The following RAB27B variants were observed in gnomAD, a reference collection of about 807,000 sequenced individuals.
The protein encoded by RAB27B is RAB27B, member RAS oncogene family, also known as ras-related protein Rab-27B.
Under a neutral mutation model 24.6 loss-of-function variants are expected in RAB27B, and 15 were observed. That is an observed-to-expected ratio of 0.61 (90% CI 0.41 to 0.94). RAB27B has a LOEUF of 0.94. RAB27B is among the 40% of genes least tolerant of loss of function. The probability of loss-of-function intolerance (pLI) is 0.00; values close to 1 mark genes in which losing one functional copy is unlikely to be tolerated. For synonymous variants in RAB27B, 105 were observed against 92.5 expected (o/e 1.14, Z -0.78); for missense variants, 261 against 266.8 (o/e 0.98, Z 0.15).
chr18:54,787,416 C>T (rs562631562), intron 2 of RAB27B, among the ~76,000 whole-genome samples: 2 of 152,286 alleles, frequency 1.3e-5, no homozygotes, highest in Admixed American at 1.3e-4. Context: ...GGGGAAGGAG[C>T]TCTGAGTAAA....
intron 2 of RAB27B, among the ~76,000 whole-genome samples, chr18:54,728,903 C>CAAAAAAAAAA (rs58878407): frequency 4.4e-5 from 3 of 68,254 alleles, no homozygotes; most frequent in African/African-American, 6.1e-5. Flanking sequence ...AAAAAAAACC[C>CAAAAAAAAAA]AAAAAAAAAA....
upstream of RAB27B, among the ~76,000 whole-genome samples, chr18:54,827,874 G>C (rs1910526334): frequency 6.6e-6 from 1 of 152,154 alleles, no homozygotes; most frequent in Non-Finnish European, 1.5e-5. Flanking sequence ...TTAGAACACG[G>C]CATAGCACAT....
chr18:54,744,384 T>C (rs1239341126), intron 2 of RAB27B, among the ~76,000 whole-genome samples: 2 of 152,208 alleles, frequency 1.3e-5, no homozygotes, highest in South Asian at 2.1e-4. Context: ...TTTTGAGGCT[T>C]AGACAATAGG....
At chr18:54,744,476 G>T (rs1910171785) in intron 2 of RAB27B, among the ~76,000 whole-genome samples, 1 of 152,054 alleles carries the variant, frequency 6.6e-6, no homozygotes, top group Non-Finnish European at 1.5e-5. Context: ...CAGGCCCAAG[G>T]CTATCTGAGG....
At chr18:54,772,744 TATTC>T (rs1334472564) in intron 2 of RAB27B, among the ~76,000 whole-genome samples, 2 of 152,240 alleles carry the variant, frequency 1.3e-5, no homozygotes, top group African/African-American at 2.4e-5. Flanking sequence ...CCATGCTTCT[TATTC>T]ATTCACTTAT....
intron 1 of RAB27B, among the ~76,000 whole-genome samples, chr18:54,835,971 C>T (rs1243175022): frequency 3.9e-5 from 6 of 151,902 alleles, no homozygotes; most frequent in Admixed American, 6.6e-5. Flanking sequence ...CAGGAATGTA[C>T]GTACTTGATG....
At chr18:54,778,485 G>A (rs908030337) in intron 2 of RAB27B, among the ~76,000 whole-genome samples, 5 of 152,200 alleles carry the variant, frequency 3.3e-5, no homozygotes, top group African/African-American at 1.2e-4. Flanking sequence ...AACTTTTGAT[G>A]AAACCAACTA....
Position 54,745,877 on chromosome 18 carries a change from G to A in RAB27B, c.-20+27736G>A, listed in dbSNP as rs944811299. On this transcript the variant is annotated intron_variant, in intron 2 of 4. Transcript: ENST00000586570. ...ATAATATTTAATAAAATAAATATAAGTATTTATAAATATTTATTAGCTACA... is the reference window on the plus strand; with the variant it reads ...ATAATATTTAATAAAATAAATATAAATATTTATAAATATTTATTAGCTACA... 5.5e-5 allele frequency among the ~76,000 whole-genome samples: 8 copies of A among 145,646 alleles called. No homozygotes were observed. In the Admixed American group the frequency reaches 5.6e-4, roughly 10 times the overall value.
intron 1 of RAB27B, among the ~76,000 whole-genome samples, chr18:54,841,156 G>GGT (rs1448034554): frequency 5.3e-5 from 6 of 114,246 alleles, no homozygotes; most frequent in South Asian, 3.5e-4. Flanking sequence ...TTGGGTGGCG[G>GGT]GGCGGTGGGG....
chr18:54,767,338 T>C (rs1400141705), intron 2 of RAB27B, among the ~76,000 whole-genome samples: 1 of 152,172 alleles, frequency 6.6e-6, no homozygotes, highest in Non-Finnish European at 1.5e-5. Context: ...GTATTGATTT[T>C]TCTGGAGTTA....
intron 2 of RAB27B, among the ~76,000 whole-genome samples, chr18:54,793,244 T>C (rs2145115555): frequency 6.6e-6 from 1 of 152,268 alleles, no homozygotes; most frequent in Middle Eastern, 3.4e-3. Flanking sequence ...TGAACAAAAA[T>C]GTCTCAGCAG....
At chr18:54,809,866 A>G (rs562410538) in intron 2 of RAB27B, among the ~76,000 whole-genome samples, 2 of 152,334 alleles carry the variant, frequency 1.3e-5, no homozygotes, top group Admixed American at 6.5e-5. Context: ...TTTGTAGACA[A>G]TATACGCATT....
intron 2 of RAB27B, among the ~76,000 whole-genome samples, chr18:54,752,910 G>A (rs1272466023): frequency 2.6e-5 from 4 of 152,126 alleles, no homozygotes; most frequent in Non-Finnish European, 4.4e-5. Flanking sequence ...ATATAAAGGA[G>A]GTGAGATCTG....
chr18:54,846,954 G>T (rs562383838), intron 1 of RAB27B, among the ~76,000 whole-genome samples: 5 of 152,120 alleles, frequency 3.3e-5, no homozygotes, highest in African/African-American at 9.6e-5. Context: ...GGGTTCGAGC[G>T]ATTCTCCTGC....
intron 2 of RAB27B, among the ~76,000 whole-genome samples, 157 bp from the exon 3 acceptor site, chr18:54,879,212 C>T (rs1912823373): frequency 6.6e-6 from 1 of 152,084 alleles, no homozygotes; most frequent in Non-Finnish European, 1.5e-5. Context: ...AGTGAGAGTA[C>T]ATGTGATAAT....
chr18:54,883,261 T>C (rs971978153), intron 3 of RAB27B, among the ~76,000 whole-genome samples: 21 of 152,036 alleles, frequency 1.4e-4, no homozygotes, highest in African/African-American at 2.7e-4. Flanking sequence ...TTTGGGCTTC[T>C]CAACACACAG....
chr18:54,730,844 A>C (rs1385394878), intron 2 of RAB27B, among the ~76,000 whole-genome samples: 3 of 152,162 alleles, frequency 2.0e-5, no homozygotes, highest in Non-Finnish European at 4.4e-5. Flanking sequence ...TAAATTACCC[A>C]GTCTCAGATA....
intron 1 of RAB27B, among the ~76,000 whole-genome samples, chr18:54,831,603 G>T (rs1204275056): frequency 6.6e-6 from 1 of 152,166 alleles, no homozygotes; most frequent in East Asian, 1.9e-4. Context: ...TGCTGTCATG[G>T]ACATTATATC....
At chr18:54,808,673 T>A (rs6566871) in intron 2 of RAB27B, among the ~76,000 whole-genome samples, 1 of 152,014 alleles carries the variant, frequency 6.6e-6, no homozygotes, top group African/African-American at 2.4e-5. Context: ...TGTTTTCCAG[T>A]CTATAGTAAA....
Sources: gnomAD v4.1 joint callset for allele counts (sites outside exome capture counted in the v4.1 genomes callset) on GRCh38, gnomAD v4.1.1 for gene constraint, MANE v1.5 for transcripts, NCBI Gene and HGNC (gene_info 2026-07-23, HGNC 2026-07-21) for gene names.